NRG1: variants seen among roughly 807,000 people sequenced by gnomAD.
The protein encoded by NRG1 is pro-neuregulin-1, membrane-bound isoform.
Under a neutral mutation model 63.8 loss-of-function variants are expected in NRG1, and 18 were observed. The ratio of observed to expected loss-of-function variants is 0.28; its 90% CI spans 0.19 to 0.42. The LOEUF (loss-of-function observed/expected upper bound fraction) is 0.42, where lower values mean the gene tolerates loss of function less well. NRG1 is among the 10% of genes least tolerant of loss of function. The pLI is 1.00. For missense variants in NRG1, 762 were observed against 814.7 expected (o/e 0.94, Z 0.79); for synonymous variants, 302 against 301.3 (o/e 1.00, Z -0.02).
At chr8:32,221,770 G>T (rs920198879) in intron 1 of NRG1, among the ~76,000 whole-genome samples, 1 of 150,506 alleles carries the variant, frequency 6.6e-6, no homozygotes, top group African/African-American at 2.5e-5. Context: ...TGAATCTCTT[G>T]TGTTGGCATT....
At chr8:31,681,731 T>C (rs1808358126) in intron 1 of NRG1, among the ~76,000 whole-genome samples, 1 of 149,932 alleles carries the variant, frequency 6.7e-6, no homozygotes, top group African/African-American at 2.4e-5. Context: ...GCATTATATA[T>C]ATTCACACAC....
chr8:32,115,843 A>G lies in NRG1; in HGVS notation c.37+476412A>G, dbSNP rs952052158. Among the ~76,000 whole-genome samples the G allele has an allele frequency of 3.3e-4, 50 of 152,252 alleles. 1 individual carries two copies. The highest frequency in any genetic ancestry group is 9.2e-4 in the Admixed American group (14 of 15,272). On this transcript the variant is annotated intron_variant, in intron 1 of 10. Transcript: ENST00000519301. ...TAATTAATCATAGAGCCCAAATTCAAACAAAATAGTGTGGCTGCCAAGTCA... is the reference window on the plus strand; with the variant it reads ...TAATTAATCATAGAGCCCAAATTCAGACAAAATAGTGTGGCTGCCAAGTCA...
At chr8:32,741,383 G>A (rs1826273681) in intron 6 of NRG1, among the ~76,000 whole-genome samples, 1 of 152,108 alleles carries the variant, frequency 6.6e-6, no homozygotes, top group South Asian at 2.1e-4. Context: ...GCAATTAAGT[G>A]AAATTTGTCT....
intron 1 of NRG1, among the ~76,000 whole-genome samples, chr8:32,435,312 TC>T (rs1167307810): frequency 6.6e-6 from 1 of 152,154 alleles, no homozygotes. Flanking sequence ...TCAAAAAATT[TC>T]TTCCCAATAA....
chr8:32,456,313 T>G (rs1267964673), intron 1 of NRG1, among the ~76,000 whole-genome samples: 2 of 152,234 alleles, frequency 1.3e-5, no homozygotes, highest in Non-Finnish European at 2.9e-5. Context: ...TTAGCACTCC[T>G]GTTTGCTCGT....
At chr8:32,430,827 C>G (rs1298861854) in intron 1 of NRG1, among the ~76,000 whole-genome samples, 1 of 146,870 alleles carries the variant, frequency 6.8e-6, no homozygotes, top group Non-Finnish European at 1.5e-5. Context: ...ATCAGAAACA[C>G]TTTTCCCAAT....
intron 1 of NRG1, among the ~76,000 whole-genome samples, chr8:32,090,168 TG>T (rs1228772547): frequency 6.6e-6 from 1 of 152,202 alleles, no homozygotes; most frequent in Non-Finnish European, 1.5e-5. Context: ...ATCTGTGAAA[TG>T]CTGATAGAAT....
At chr8:32,704,097 T>C (rs920790892) in intron 5 of NRG1, among the ~76,000 whole-genome samples, 5 of 152,222 alleles carry the variant, frequency 3.3e-5, no homozygotes, top group Non-Finnish European at 5.9e-5. Context: ...AAATTGCTAG[T>C]TGCCTACCAG....
At chr8:32,169,474 C>CTAA (rs1839771153) in intron 1 of NRG1, among the ~76,000 whole-genome samples, 1 of 152,132 alleles carries the variant, frequency 6.6e-6, no homozygotes, top group Non-Finnish European at 1.5e-5. Flanking sequence ...TCTCATATTA[C>CTAA]TAATAACTTT....
intron 1 of NRG1, among the ~76,000 whole-genome samples, chr8:32,057,375 T>C (rs1315430567): frequency 1.3e-5 from 2 of 152,186 alleles, no homozygotes; most frequent in African/African-American, 4.8e-5. Flanking sequence ...TTGCATTGAG[T>C]TCTGCATGTT....
At chr8:31,973,852 A>G (rs1353123806) in intron 1 of NRG1, among the ~76,000 whole-genome samples, 1 of 152,180 alleles carries the variant, frequency 6.6e-6, no homozygotes, top group Non-Finnish European at 1.5e-5. Context: ...CCCAGCATTT[A>G]AAGGGAGATC....
At chr8:32,352,114 T>C (rs567264305) in intron 1 of NRG1, among the ~76,000 whole-genome samples, 2 of 150,710 alleles carry the variant, frequency 1.3e-5, no homozygotes, top group Non-Finnish European at 3.0e-5. Context: ...TCCTAAAGCC[T>C]TAAAGATCCG....
At chr8:32,740,340 C>T (rs899362227) in intron 6 of NRG1, among the ~76,000 whole-genome samples, 5 of 151,966 alleles carry the variant, frequency 3.3e-5, no homozygotes, top group South Asian at 2.1e-4. Flanking sequence ...GGATTACAGG[C>T]GCCCGCCACC....
At chr8:32,112,126 C>T (rs1220004887) in intron 1 of NRG1, among the ~76,000 whole-genome samples, 4 of 152,172 alleles carry the variant, frequency 2.6e-5, no homozygotes, top group Admixed American at 2.0e-4. Context: ...GCTCACAAGA[C>T]AGATCTTATG....
chr8:32,344,602 ATT>A (rs61448713), intron 1 of NRG1, among the ~76,000 whole-genome samples: 5,840 of 100,582 alleles, frequency 0.058, 47 homozygotes, highest in Middle Eastern at 0.069. Context: ...ACACTCAGCT[ATT>A]TTTTTTTTTT....
At chr8:32,548,682 C>G in exon 1 of NRG1, 2 of 1,548,978 alleles carry the variant, frequency 1.3e-6, no homozygotes, top group Non-Finnish European at 1.7e-6. Flanking sequence ...ACCAAACTCG[C>G]CTGCGCCGAG....
chr8:31,907,778 T>G (rs1832648794), intron 1 of NRG1, among the ~76,000 whole-genome samples: 1 of 152,148 alleles, frequency 6.6e-6, no homozygotes, highest in Non-Finnish European at 1.5e-5. Flanking sequence ...AAACAATCAA[T>G]ACTCAATAAT....
At chr8:31,765,383 G>A (rs754042108) in intron 1 of NRG1, among the ~76,000 whole-genome samples, 5 of 152,144 alleles carry the variant, frequency 3.3e-5, no homozygotes, top group Non-Finnish European at 7.4e-5. Context: ...TAAAAGCAGT[G>A]AGAGCAGAAA....
intron 1 of NRG1, among the ~76,000 whole-genome samples, chr8:31,935,035 C>T (rs1165211092): frequency 2.0e-5 from 3 of 152,138 alleles, no homozygotes; most frequent in East Asian, 1.9e-4. Flanking sequence ...ACTGCAGCCT[C>T]GAACTCCTGG....
Sources: gnomAD v4.1 joint callset for allele counts (sites outside exome capture counted in the v4.1 genomes callset) on GRCh38, gnomAD v4.1.1 for gene constraint, MANE v1.5 for transcripts, NCBI Gene and HGNC (gene_info 2026-07-23, HGNC 2026-07-21) for gene names.